Variants in DGKB observed in about 807,000 individuals in gnomAD.
DGKB encodes 90 kDa diacylglycerol kinase.
Under a neutral mutation model 114.3 loss-of-function variants are expected in DGKB, and 67 were observed. The ratio of observed to expected loss-of-function variants is 0.59; its 90% CI spans 0.48 to 0.72. The LOEUF (loss-of-function observed/expected upper bound fraction) is 0.72, where lower values mean the gene tolerates loss of function less well. Ranked by LOEUF, DGKB falls within the 30% of genes least tolerant of loss-of-function variation. DGKB has a pLI of 0.00. For missense variants in DGKB, 907 were observed against 975.2 expected (o/e 0.93, Z 0.93); for synonymous variants, 398 against 323.1 (o/e 1.23, Z -2.49).
At chr7:14,732,011 A>T (rs192190114) in intron 5 of DGKB, among the ~76,000 whole-genome samples, 4 of 152,210 alleles carry the variant, frequency 2.6e-5, no homozygotes, top group Admixed American at 1.3e-4. Context: ...CATCTTCTTC[A>T]TGAAATGCCA....
chr7:14,482,689 G>A (rs1412109656), intron 20 of DGKB, among the ~76,000 whole-genome samples: 2 of 151,980 alleles, frequency 1.3e-5, no homozygotes, highest in Non-Finnish European at 2.9e-5. Flanking sequence ...AGAGATTGTG[G>A]TTCTGTATTT....
intron 25 of DGKB, among the ~76,000 whole-genome samples, chr7:14,169,364 C>CAAAAAAAA (rs35418998): frequency 0.088 from 5,678 of 64,766 alleles, 272 homozygotes; most frequent in Non-Finnish European, 0.14. Context: ...GACTCCGTCT[C>CAAAAAAAA]AAAAAAAAAA....
At chr7:14,727,374 C>G (rs767554110) in intron 5 of DGKB, among the ~76,000 whole-genome samples, 1 of 152,010 alleles carries the variant, frequency 6.6e-6, no homozygotes, top group Non-Finnish European at 1.5e-5. Context: ...AACAGGACCA[C>G]AAAATTATTG....
chr7:14,566,882 T>A (rs919177909), intron 20 of DGKB, among the ~76,000 whole-genome samples: 2 of 151,682 alleles, frequency 1.3e-5, no homozygotes, highest in Non-Finnish European at 2.9e-5. Context: ...CTTAAATGCA[T>A]CCTCTTTATA....
intron 6 of DGKB, among the ~76,000 whole-genome samples, chr7:14,702,438 A>G (rs1357487697): frequency 1.3e-5 from 2 of 152,160 alleles, no homozygotes; most frequent in African/African-American, 4.8e-5. Context: ...GGAGCTTCAG[A>G]GGGTAACTGA....
intron 1 of DGKB, among the ~76,000 whole-genome samples, chr7:14,959,397 G>C (rs541599021): frequency 2.2e-4 from 33 of 150,160 alleles, no homozygotes; most frequent in African/African-American, 7.3e-4. Flanking sequence ...TTTTAAATGT[G>C]TGTTTTATCC....
intron 21 of DGKB, among the ~76,000 whole-genome samples, chr7:14,392,437 ATCC>A (rs2128709801): frequency 6.6e-6 from 1 of 152,322 alleles, no homozygotes; most frequent in Admixed American, 6.5e-5. Context: ...TTATTTCTGC[ATCC>A]TCATAATTAT....
At chr7:14,172,246 CAG>C (rs1781113583) in intron 25 of DGKB, among the ~76,000 whole-genome samples, 1 of 152,136 alleles carries the variant, frequency 6.6e-6, no homozygotes, top group Non-Finnish European at 1.5e-5. Context: ...TTTTATCAGA[CAG>C]AGAGTAACTA....
chr7:14,952,921 CAAT>C (rs2128261294), intron 1 of DGKB, among the ~76,000 whole-genome samples: 1 of 152,094 alleles, frequency 6.6e-6, no homozygotes, highest in Non-Finnish European at 1.5e-5. Context: ...ATCACATTTA[CAAT>C]TTGTTTCAAC....
intron 21 of DGKB, among the ~76,000 whole-genome samples, chr7:14,465,191 G>C (rs891968690): frequency 5.9e-5 from 9 of 152,108 alleles, no homozygotes; most frequent in African/African-American, 1.4e-4. Context: ...TTCCATGTTT[G>C]GCTTTTGTCT....
intron 20 of DGKB, among the ~76,000 whole-genome samples, chr7:14,565,537 T>A (rs1797266949): frequency 6.6e-6 from 1 of 152,202 alleles, no homozygotes; most frequent in Admixed American, 6.5e-5. Context: ...AAATTTCCAC[T>A]ATGACATGCA....
At chr7:14,541,585 G>C (rs938259136) in intron 20 of DGKB, among the ~76,000 whole-genome samples, 1 of 152,150 alleles carries the variant, frequency 6.6e-6, no homozygotes, top group African/African-American at 2.4e-5. Context: ...AGAAACAATA[G>C]ATTGATAGTT....
rs188967913 is a variant in DGKB at position 14,832,043 on chromosome 7, A to G, written c.70+9151T>C. On this transcript the variant is annotated intron_variant, in intron 2 of 25. Coordinates refer to ENST00000402815, the MANE Select transcript of DGKB (RefSeq NM_001350709.2). ...ACATCCTAATAATAACAACGAAAGC[A>G]ATAATTAACTTACATATGGTGGTTT... is the stretch of plus-strand genomic sequence containing the variant. Among the ~76,000 whole-genome samples the G allele has an allele frequency of 4.8e-3, 732 of 152,192 alleles. 7 individuals carry two copies. The highest frequency in any genetic ancestry group is 0.017 in the African/African-American group (698 of 41,554).
At chr7:14,221,280 A>C (rs557969782) in intron 23 of DGKB, among the ~76,000 whole-genome samples, 1 of 151,348 alleles carries the variant, frequency 6.6e-6, no homozygotes, top group Non-Finnish European at 1.5e-5. Flanking sequence ...AGCATCTAGT[A>C]TTTCACCATT....
chr7:14,450,340 A>G (rs1261014869), intron 21 of DGKB, among the ~76,000 whole-genome samples: 3 of 152,148 alleles, frequency 2.0e-5, no homozygotes, highest in Non-Finnish European at 2.9e-5. Context: ...CTAAATGATA[A>G]AGCGTTTTTC....
chr7:14,239,718 C>T (rs1372408235), intron 23 of DGKB, among the ~76,000 whole-genome samples: 2 of 151,972 alleles, frequency 1.3e-5, no homozygotes, highest in Non-Finnish European at 2.9e-5. Flanking sequence ...TCAGGAGAAT[C>T]CTCACAATAT....
At chr7:14,825,266 C>T (rs1011220328) in intron 2 of DGKB, among the ~76,000 whole-genome samples, 1 of 151,368 alleles carries the variant, frequency 6.6e-6, no homozygotes, top group Admixed American at 6.6e-5. Context: ...TTTCCATGGA[C>T]CAGGGAGTGG....
Position 14,573,568 on chromosome 7 carries a change from T to C in DGKB, c.1770+644A>G, listed in dbSNP as rs79649253. ...ACATACATTAAATTTAATGTAATGC[T>C]TTATTTTCTATATTTTTAGATTTCA... On this transcript the variant is annotated intron_variant, in intron 20 of 25. Transcript: ENST00000402815. 3.2e-4 allele frequency among the ~76,000 whole-genome samples: 49 copies of C among 152,146 alleles called. No homozygotes were observed. The East Asian group carries it at 9.1e-3, about 28-fold the overall frequency.
chr7:14,738,382 T>C (rs1374633213), intron 4 of DGKB, among the ~76,000 whole-genome samples: 1 of 152,168 alleles, frequency 6.6e-6, no homozygotes, highest in African/African-American at 2.4e-5. Context: ...ACATAACAGA[T>C]GATAAGGGGC....
Sources: gnomAD v4.1 joint callset for allele counts (sites outside exome capture counted in the v4.1 genomes callset) on GRCh38, gnomAD v4.1.1 for gene constraint, MANE v1.5 for transcripts, NCBI Gene and HGNC (gene_info 2026-07-23, HGNC 2026-07-21) for gene names.